STARD9: variants seen among roughly 807,000 people sequenced by gnomAD.
STARD9 encodes StAR related lipid transfer domain containing 9.
A neutral mutation model predicts 399.8 loss-of-function variants in STARD9; 346 were observed. That is an observed-to-expected ratio of 0.87 (90% confidence interval 0.79 to 0.95). STARD9 has a LOEUF of 0.95. STARD9 is among the 40% of genes least tolerant of loss of function. The pLI is 0.00. For synonymous variants in STARD9, 2,203 were observed against 2,143.5 expected (o/e 1.03, Z -0.77); for missense variants, 5,832 against 5,667.5 (o/e 1.03, Z -0.93).
At chr15:42,667,968 G>A (rs1390580231) in intron 15 of STARD9, among the ~76,000 whole-genome samples, 1 of 152,084 alleles carries the variant, frequency 6.6e-6, no homozygotes, top group East Asian at 1.9e-4. Flanking sequence ...CTGATTTTTT[G>A]TTCAGAAAAT....
intron 3 of STARD9, among the ~76,000 whole-genome samples, chr15:42,586,462 C>T (rs928456512): frequency 2.0e-5 from 3 of 152,164 alleles, no homozygotes; most frequent in African/African-American, 7.2e-5. Context: ...TACAGGACTT[C>T]TCTGTTTCTC....
chr15:42,607,786 C>T (rs1423198661), intron 3 of STARD9, among the ~76,000 whole-genome samples: 1 of 152,008 alleles, frequency 6.6e-6, no homozygotes, highest in African/African-American at 2.4e-5. Context: ...TATTTATTTA[C>T]CCCCCTCTGA....
In STARD9 at chr15:42,718,872, G is replaced by GAA. The variant is rs2061399809; in HGVS notation, c.13964_13965dup (p.Gly4656LysfsTer26). 2 of 1,537,090 alleles carry GAA rather than the reference G, an allele frequency of 1.3e-6. No individual in the cohort carries two copies. Among genetic ancestry groups the GAA allele is most frequent in the African/African-American group, 2.7e-5 (2 of 73,038 alleles). The stretch of plus-strand genomic sequence containing the variant: ...CTGGATCTTGCAGCCCATCACTGTG[G>GAA]AAGGGAAGGAAGTCACCAGAGTCAT... On this transcript the variant is annotated frameshift_variant, in exon 32 of 33. Coordinates refer to ENST00000290607, the MANE Select transcript of STARD9 (RefSeq NM_020759.3). LOFTEE classifies it high-confidence loss of function.
At chr15:42,589,765 C>G (rs2058358198) in intron 3 of STARD9, among the ~76,000 whole-genome samples, 1 of 150,906 alleles carries the variant, frequency 6.6e-6, no homozygotes, top group Admixed American at 6.6e-5. Flanking sequence ...TGCCACCATG[C>G]CCAGCTAATT....
rs974833832 is a variant in STARD9 at position 42,686,945 on chromosome 15, C to A, written c.5367C>A (p.Leu1789=). Residue 1789 remains leucine, a synonymous_variant, in exon 23 of 33, where the codon CTC becomes CTA. Coordinates refer to ENST00000290607, the MANE Select transcript of STARD9 (RefSeq NM_020759.3). The stretch of plus-strand genomic sequence containing the variant: ...GCTTTGGTCACAACCACCAAGCTCT[C>A]CAAGGTGCTTATTTGAAGAATAATT... ...AWGFGHNHQA[L]QGAYLKNNLP... is the part of the protein sequence containing the mutation. 6 of 1,536,464 alleles carry A rather than the reference C, an allele frequency of 3.9e-6. No homozygotes were observed. The African/African-American group carries it at 8.2e-5, about 21-fold the overall frequency.
In STARD9 at chr15:42,720,009, C is replaced by T. The variant is rs1166860280; in HGVS notation, c.*435C>T. On this transcript the variant is annotated 3_prime_UTR_variant, in exon 33 of 33. Coordinates refer to ENST00000290607, the MANE Select transcript of STARD9 (RefSeq NM_020759.3). Reference sequence around the variant, plus strand: ...GGCCAAGACTCTGTTCTGAATCTACCTCCTCTAGCATTCAGCTCTACTGTG... The same window carrying T: ...GGCCAAGACTCTGTTCTGAATCTACTTCCTCTAGCATTCAGCTCTACTGTG... The T allele has an allele frequency of 6.2e-6, 1 of 161,420 alleles. No individual in the cohort carries two copies. Among genetic ancestry groups the T allele is most frequent in the Non-Finnish European group, 1.3e-5 (1 of 74,336 alleles). 10.0% of individuals were successfully genotyped at this position (161,420 alleles called of 1,614,324 possible).
chr15:42,685,088 C>G lies in STARD9; in HGVS notation c.3510C>G (p.Asn1170Lys). 6.5e-7 allele frequency: 1 copy of G among 1,537,230 alleles called. No homozygotes were observed. Among genetic ancestry groups the G allele is most frequent in the Non-Finnish European group, 8.7e-7 (1 of 1,146,934 alleles). ...KNRLGGNRPT[N>K]NRGQPRTRTR... Reference sequence around the variant, plus strand: ...GGCTAGGGGGCAATCGTCCCACCAACAACCGTGGCCAACCCAGGACCAGAA... The same window carrying G: ...GGCTAGGGGGCAATCGTCCCACCAAGAACCGTGGCCAACCCAGGACCAGAA... Residue 1170 changes from asparagine (N) to lysine (K), a missense_variant, in exon 23 of 33, where the codon AAC (asparagine) becomes AAG (lysine). This residue lies in a region of STARD9 where 5,828 missense variants were observed against 5,651.1 expected (regional missense o/e 1.03). Coordinates refer to ENST00000290607, the MANE Select transcript of STARD9 (RefSeq NM_020759.3).
At chr15:42,705,184 C>T (rs12902830) in intron 26 of STARD9, among the ~76,000 whole-genome samples, 22,720 of 152,148 alleles carry the variant, frequency 0.15, 1,998 homozygotes, top group South Asian at 0.25. Flanking sequence ...GCCATGTGGG[C>T]GGTGTCTCTC....
In STARD9 at chr15:42,688,750, G is replaced by A; in HGVS notation, c.7172G>A (p.Ser2391Asn). 6.5e-7 allele frequency: 1 copy of A among 1,537,772 alleles called. No individual in the cohort carries two copies. The highest frequency in any genetic ancestry group is 1.4e-5 in the African/African-American group (1 of 73,184). The stretch of plus-strand genomic sequence containing the variant: ...CAGAGTACGGAGACCAGAAGCCACA[G>A]CCCCGAAGGAAATGTTAGAGGGCGT... ...QDQSTETRSH[S>N]PEGNVRGRSS... is the part of the protein sequence containing the mutation. Residue 2391 changes from serine to asparagine, a missense_variant, in exon 23 of 33, where the codon AGC becomes AAC. By Grantham distance (46) the Ser-to-Asn change is conservative (BLOSUM62 1). This residue lies in a region of STARD9 where 5,828 missense variants were observed against 5,651.1 expected (regional missense o/e 1.03). Transcript: ENST00000290607.
chr15:42,663,981 C>T (rs981474109), intron 13 of STARD9, 64 bp downstream of exon 13: 29 of 1,118,020 alleles, frequency 2.6e-5, no homozygotes, highest in South Asian at 5.4e-5. Flanking sequence ...ATTTTTTTTT[C>T]TCTCGTGATT....
chr15:42,664,395 G>T (rs896309110), intron 13 of STARD9, among the ~76,000 whole-genome samples: 1 of 151,988 alleles, frequency 6.6e-6, no homozygotes, highest in Non-Finnish European at 1.5e-5. Flanking sequence ...AAGGGGTCTT[G>T]CTCTGTTGCC....
intron 25 of STARD9, 121 bp downstream of exon 25, chr15:42,695,444 C>G (rs2060822243): frequency 1.0e-6 from 1 of 990,242 alleles, no homozygotes. Flanking sequence ...CTGTGGGACC[C>G]CTGTTGTCAA....
chr15:42,636,331 C>T (rs1370249653), intron 4 of STARD9, among the ~76,000 whole-genome samples: 3 of 151,980 alleles, frequency 2.0e-5, no homozygotes, highest in Non-Finnish European at 4.4e-5. Flanking sequence ...TCCTGTAATA[C>T]CAGCACTTTG....
rs1229420398 is a variant in STARD9 at position 42,717,085 on chromosome 15, T to TAAG, written c.13494+38_13494+39insAGA. On this transcript the variant is annotated intron_variant, in intron 28 of 32. Transcript: ENST00000290607. ...CTCCCACCCATCCCTACCATTCCTT[T>TAAG]ACCCAGACCTCTGCTGGGTGTGCAG... 5.9e-6 allele frequency: 9 copies of TAAG among 1,534,916 alleles called. No homozygotes were observed. The African/African-American group carries it at 1.2e-4, about 21-fold the overall frequency.
chr15:42,659,114 A>G (rs2059940175), intron 9 of STARD9, among the ~76,000 whole-genome samples: 1 of 152,136 alleles, frequency 6.6e-6, no homozygotes, highest in Admixed American at 6.5e-5. Flanking sequence ...CTCCCTCGAA[A>G]GAAAGAAAGA....
intron 20 of STARD9, among the ~76,000 whole-genome samples, chr15:42,679,661 G>A (rs1196786844): frequency 6.6e-6 from 1 of 152,134 alleles, no homozygotes; most frequent in Non-Finnish European, 1.5e-5. Flanking sequence ...TCTGTAAAAG[G>A]CCAGATAGTA....
chr15:42,719,814 T>G lies in STARD9; in HGVS notation c.*240T>G, dbSNP rs551731207. The G allele has an allele frequency of 3.5e-4, 172 of 491,852 alleles. 1 individual carries two copies. The highest frequency in any genetic ancestry group is 3.2e-3 in the African/African-American group (165 of 50,784). The allele number at this position is 491,852 out of a possible 1,614,324, so 30.5% of individuals were successfully genotyped here. ...AGCTCCTGGCCCAGACTATCCAGAG[T>G]GAATGCAGCTCCGCTCACCTTTTGG... On this transcript the variant is annotated 3_prime_UTR_variant, in exon 33 of 33. Transcript: ENST00000290607.
At chr15:42,665,447 G>T (rs773096434) in intron 14 of STARD9, 117 bp downstream of exon 14, 1 of 791,212 alleles carries the variant, frequency 1.3e-6, no homozygotes, top group South Asian at 1.7e-5. Flanking sequence ...ACTCTCTTAC[G>T]GCAGAGACAG....
chr15:42,654,120 A>C (rs1218916638), intron 9 of STARD9, among the ~76,000 whole-genome samples: 1 of 152,226 alleles, frequency 6.6e-6, no homozygotes, highest in African/African-American at 2.4e-5. Flanking sequence ...AGAAAAAACA[A>C]CAGAAATTAA....
Sources: gnomAD v4.1 joint callset for allele counts (sites outside exome capture counted in the v4.1 genomes callset) on GRCh38, gnomAD v4.1.1 for gene constraint, gnomAD v4.1.1 regional missense constraint, MANE v1.5 for transcripts, NCBI Gene and HGNC (gene_info 2026-07-23, HGNC 2026-07-21) for gene names.